CCNB3: variants seen among roughly 807,000 people sequenced by gnomAD.
CCNB3 encodes the protein G2/mitotic-specific cyclin-B3.
Under a neutral mutation model 68.0 loss-of-function variants are expected in CCNB3, and 12 were observed. The observed-to-expected ratio is 0.18, with a 90% CI of 0.11 to 0.29. The LOEUF (loss-of-function observed/expected upper bound fraction) is 0.29, where lower values mean the gene tolerates loss of function less well. Among genes scored for constraint, CCNB3 ranks in the 10% least tolerant of loss-of-function variants. The pLI is 1.00. For synonymous variants in CCNB3, 354 were observed against 388.9 expected (o/e 0.91, Z 1.06); for missense variants, 904 against 993.1 (o/e 0.91, Z 1.21).
chrX:50,310,665 C>A lies in CCNB3; in HGVS notation c.2496C>A (p.Ala832=), dbSNP rs1227008532. ...DTEAHFKEPL[A]LQEEPSTEKE... ...AAGCTCACTTTAAGGAACCTTTGGC[C>A]TTGCAGGAGGAGCCCAGCACTGAGA... The change falls in exon 6 of 13, where the codon GCC becomes GCA. Residue 832 remains alanine, a synonymous_variant. Transcript: ENST00000376042. The A allele has an allele frequency of 1.7e-6, 2 of 1,209,287 alleles. No individual in the cohort carries two copies. Among genetic ancestry groups the A allele is most frequent in the Non-Finnish European group, 2.2e-6 (2 of 895,000 alleles).
At chrX:50,288,110 G>A in intron 3 of CCNB3, among the ~76,000 whole-genome samples, 1 of 106,872 alleles carries the variant, frequency 9.4e-6, no homozygotes. Flanking sequence ...TCTACATTAT[G>A]GCGAGTTATA....
chrX:50,206,169 G>A (rs1935358288), intron 1 of CCNB3, among the ~76,000 whole-genome samples: 1 of 110,794 alleles, frequency 9.0e-6, no homozygotes, highest in Middle Eastern at 4.6e-3. Flanking sequence ...CTTGAGCCCG[G>A]GAGACAGAGG....
At chrX:50,204,481 A>T (rs1935316514), upstream of CCNB3, 1 of 106,448 alleles carries the variant, frequency 9.4e-6, no homozygotes, top group Non-Finnish European at 1.9e-5. Context: ...AGCACTGGCC[A>T]CTTCCATCGT....
At chrX:50,334,146 A>G (rs1386097550) in intron 8 of CCNB3, among the ~76,000 whole-genome samples, 1 of 112,384 alleles carries the variant, frequency 8.9e-6, no homozygotes, top group Middle Eastern at 4.2e-3. Flanking sequence ...TTACCATCAC[A>G]TATCCTGCAC....
At chrX:50,288,226 G>T (rs1240851584) in intron 3 of CCNB3, among the ~76,000 whole-genome samples, 2 of 110,287 alleles carry the variant, frequency 1.8e-5, no homozygotes, top group Non-Finnish European at 3.8e-5. Flanking sequence ...TGGAAAATTT[G>T]TCTTCCATGA....
chrX:50,211,219 C>T lies in CCNB3; in HGVS notation c.-113+6269C>T, dbSNP rs1419915005. Among the ~76,000 whole-genome samples the T allele has an allele frequency of 3.6e-5, 4 of 111,590 alleles. No homozygotes were observed. The East Asian group carries it at 8.4e-4, about 23-fold the overall frequency. On this transcript the variant is annotated intron_variant, in intron 1 of 12. Transcript: ENST00000376042. Reference sequence around the variant, plus strand: ...CAAAATCTACAGTGAGCCTAGATCACGCCACTGCACTCCAGCCTGGCTGAC... The same window carrying T: ...CAAAATCTACAGTGAGCCTAGATCATGCCACTGCACTCCAGCCTGGCTGAC...
At chrX:50,223,525 T>C (rs1226288181) in intron 1 of CCNB3, among the ~76,000 whole-genome samples, 6 of 112,172 alleles carry the variant, frequency 5.3e-5, no homozygotes, top group African/African-American at 2.0e-4. Context: ...CAGGCCCTTC[T>C]GCTGCAGGTC....
intron 1 of CCNB3, 89 bp downstream of exon 1, chrX:50,205,039 G>T (rs1470669290): frequency 9.0e-6 from 1 of 111,701 alleles, no homozygotes; most frequent in Non-Finnish European, 1.9e-5. Context: ...CCTGTGTCAG[G>T]CTGGAGATGT....
chrX:50,312,543 C>A lies in CCNB3; in HGVS notation c.3334C>A (p.Pro1112Thr). The change falls in exon 7 of 13, where the codon CCA (proline) becomes ACA (threonine). Residue 1112 changes from proline (P) to threonine (T), a missense_variant. Physicochemically the swap from Pro to Thr is conservative, Grantham distance 38 (BLOSUM62 -1). Around this residue, in one of 2 missense-constraint regions of CCNB3, gnomAD observed 285 missense variants for 383.4 expected, o/e 0.74. Transcript: ENST00000376042. ...QAKGTPKEIT[P>T]REDIDEDSSD... ...TTTGGTGATTTCTAAGCAGATAACC[C>A]CACGGGAAGATATTGATGAGGACAG... 8.3e-7 allele frequency: 1 copy of A among 1,200,737 alleles called. No individual in the cohort carries two copies. The highest frequency in any genetic ancestry group is 1.8e-5 in the South Asian group (1 of 55,874).
chrX:50,291,008 T>C (rs1389463277), intron 4 of CCNB3, among the ~76,000 whole-genome samples: 4 of 111,849 alleles, frequency 3.6e-5, no homozygotes, highest in Non-Finnish European at 7.5e-5. Context: ...GTTCCCTATA[T>C]GATAATTTGC....
chrX:50,337,107 C>A (rs782682442), intron 8 of CCNB3, among the ~76,000 whole-genome samples: 8 of 110,918 alleles, frequency 7.2e-5, no homozygotes, highest in Non-Finnish European at 1.3e-4. Context: ...GCTGTTCTCT[C>A]ACGGGCATTT....
chrX:50,313,984 T>C (rs782112189), intron 8 of CCNB3, 36 bp downstream of exon 8: 1 of 1,053,802 alleles, frequency 9.5e-7, no homozygotes, highest in African/African-American at 1.8e-5. Flanking sequence ...GGAGCTGCTG[T>C]TCTCTTTCTC....
At chrX:50,329,164 G>C (rs1376111522) in intron 8 of CCNB3, among the ~76,000 whole-genome samples, 1 of 111,566 alleles carries the variant, frequency 9.0e-6, no homozygotes, top group East Asian at 2.8e-4. Context: ...TACAATTCTG[G>C]GGTCTGGAGG....
At chrX:50,279,378 A>G (rs1445356107) in intron 1 of CCNB3, among the ~76,000 whole-genome samples, 1 of 79,117 alleles carries the variant, frequency 1.3e-5, no homozygotes, top group Non-Finnish European at 2.2e-5. Context: ...ATATATAAAT[A>G]TATGAAATAT....
At chrX:50,222,530 T>A (rs1159102221) in intron 1 of CCNB3, among the ~76,000 whole-genome samples, 1 of 111,761 alleles carries the variant, frequency 8.9e-6, no homozygotes, top group East Asian at 2.8e-4. Context: ...TTATGAAGCT[T>A]AGTTTGGCTG....
At chrX:50,223,450 G>A (rs1165950381) in intron 1 of CCNB3, among the ~76,000 whole-genome samples, 2 of 111,739 alleles carry the variant, frequency 1.8e-5, no homozygotes, top group African/African-American at 6.5e-5. Context: ...GGGTTTCTGT[G>A]TGGACATCCT....
upstream of CCNB3, among the ~76,000 whole-genome samples, chrX:50,204,095 C>T (rs1216531212): frequency 8.9e-6 from 1 of 111,902 alleles, no homozygotes; most frequent in African/African-American, 3.3e-5. Context: ...ATCTCTTTTT[C>T]ATTGCATCCA....
At chrX:50,348,799 T>G (rs1461736848) in intron 11 of CCNB3, among the ~76,000 whole-genome samples, 2 of 112,133 alleles carry the variant, frequency 1.8e-5, no homozygotes, top group African/African-American at 6.5e-5. Context: ...AGGAGTGGTG[T>G]TCACAATCCA....
intron 1 of CCNB3, among the ~76,000 whole-genome samples, chrX:50,279,795 T>G (rs1936071207): frequency 1.1e-5 from 1 of 89,174 alleles, no homozygotes; most frequent in Non-Finnish European, 2.1e-5. Flanking sequence ...TGTAAATATA[T>G]ACTATATATA....
Sources: allele counts gnomAD v4.1 joint callset (sites outside exome capture counted in the v4.1 genomes callset), GRCh38; gene constraint gnomAD v4.1.1; regional missense constraint gnomAD v4.1.1; transcripts MANE v1.5; gene names NCBI Gene and HGNC (gene_info 2026-07-23, HGNC 2026-07-21).